SUMF1: variants seen among roughly 807,000 people sequenced by gnomAD.
SUMF1 encodes formylglycine-generating enzyme.
Under a neutral mutation model 47.6 loss-of-function variants are expected in SUMF1, and 48 were observed. The observed-to-expected ratio is 1.01, with a 90% CI of 0.80 to 1.28. The LOEUF is 1.28. SUMF1 is among the 50% of genes most tolerant of loss of function. The pLI, the probability that SUMF1 is intolerant of heterozygous loss-of-function variation, is 0.00. For missense variants in SUMF1, 571 were observed against 485.4 expected, an observed-to-expected ratio of 1.18 and a Z score of -1.66; for synonymous variants, 230 against 192.1, an observed-to-expected ratio of 1.20 and a Z score of -1.63.
intron 1 of SUMF1, among the ~76,000 whole-genome samples, chr3:4,464,128 T>C (rs1334417375): frequency 6.6e-6 from 1 of 152,228 alleles, no homozygotes; most frequent in Non-Finnish European, 1.5e-5. Context: ...TCCCAGATCT[T>C]AAATCACTTA....
chr3:4,132,482 T>C (rs986676114), intron 8 of SUMF1, among the ~76,000 whole-genome samples: 39 of 152,234 alleles, frequency 2.6e-4, no homozygotes, highest in African/African-American at 8.9e-4. Context: ...ATCCAATATA[T>C]GGTACTGTTT....
rs546190025 is a variant in SUMF1, at chr3:4,098,915, C to T, written c.1015-30170G>A. On this transcript the variant is annotated intron_variant and NMD_transcript_variant, in intron 8 of 12. Transcript: ENST00000448413. Reference sequence around the variant, plus strand: ...AATATGCCAATAAAATGTTAACATTCGAGACTCATTAAGCAGATTTGTAGC... The same window carrying T: ...AATATGCCAATAAAATGTTAACATTTGAGACTCATTAAGCAGATTTGTAGC... Among the ~76,000 whole-genome samples, 92 of 152,178 alleles carry T rather than the reference C, an allele frequency of 6.0e-4. 1 individual carries two copies. The highest frequency in any genetic ancestry group is 2.0e-3 in the African/African-American group (85 of 41,508).
chr3:4,384,044 G>T (rs56029983), intron 7 of SUMF1, among the ~76,000 whole-genome samples: 58,973 of 151,610 alleles, frequency 0.39, 12,941 homozygotes, highest in African/African-American at 0.59. Context: ...TAAAAGGAAT[G>T]AAGTGAAAAA....
At chr3:4,209,742 G>A (rs779882468) in intron 8 of SUMF1, among the ~76,000 whole-genome samples, 1 of 152,038 alleles carries the variant, frequency 6.6e-6, no homozygotes, top group Non-Finnish European at 1.5e-5. Flanking sequence ...TATAATTTTA[G>A]AAAGATAAGC....
In SUMF1 at chr3:4,263,274, G is replaced by T. The variant is rs187155000; in HGVS notation, c.1014+113056C>A. On this transcript the variant is annotated intron_variant and NMD_transcript_variant, in intron 8 of 12. Coordinates refer to the SUMF1 transcript ENST00000448413. ...CTGAAGATGACCTAATAAGACAAAT[G>T]GCATCATGAACTGCCTTCCAAATGA... 3.0e-4 allele frequency among the ~76,000 whole-genome samples: 46 copies of T among 152,142 alleles called. 1 individual carries two copies. Among genetic ancestry groups the T allele is most frequent in the African/African-American group, 1.0e-3 (42 of 41,522 alleles).
intron 8 of SUMF1, among the ~76,000 whole-genome samples, chr3:4,353,436 T>C (rs1333372924): frequency 6.6e-6 from 1 of 152,102 alleles, no homozygotes; most frequent in African/African-American, 2.4e-5. Context: ...GTATTTTTAG[T>C]AGAGACGGGG....
At chr3:4,438,240 A>T (rs796353021) in intron 3 of SUMF1, among the ~76,000 whole-genome samples, 1 of 88,350 alleles carries the variant, frequency 1.1e-5, no homozygotes, top group African/African-American at 4.1e-5. Flanking sequence ...AAAAAAAAAA[A>T]AAGATCTCAT....
intron 8 of SUMF1, among the ~76,000 whole-genome samples, chr3:4,270,296 C>T (rs1213977867): frequency 6.6e-6 from 1 of 152,062 alleles, no homozygotes; most frequent in Non-Finnish European, 1.5e-5. Flanking sequence ...TCCCAGGTCT[C>T]CATCTGCAAG....
intron 8 of SUMF1, among the ~76,000 whole-genome samples, chr3:4,125,271 A>T (rs1040219857): frequency 7.2e-5 from 11 of 152,132 alleles, no homozygotes; most frequent in Non-Finnish European, 1.5e-4. Context: ...TGCTCAAATA[A>T]CTACATGTTA....
At chr3:4,251,213 A>G (rs1696794801) in intron 8 of SUMF1, among the ~76,000 whole-genome samples, 1 of 152,200 alleles carries the variant, frequency 6.6e-6, no homozygotes, top group African/African-American at 2.4e-5. Context: ...GTGAAGTCCA[A>G]GACTTCAGTG....
chr3:4,249,849 A>G (rs950361437), intron 8 of SUMF1, among the ~76,000 whole-genome samples: 1 of 152,188 alleles, frequency 6.6e-6, no homozygotes, highest in African/African-American at 2.4e-5. Flanking sequence ...GGAAATTAAA[A>G]GTGCTCCTCC....
intron 8 of SUMF1, among the ~76,000 whole-genome samples, chr3:4,346,403 T>C (rs538921921): frequency 3.4e-4 from 51 of 151,994 alleles, no homozygotes; most frequent in Admixed American, 2.0e-3. Flanking sequence ...TTCATGGAAA[T>C]TGAACAACCT....
At chr3:4,072,014 G>A (rs1199265960) in intron 8 of SUMF1, among the ~76,000 whole-genome samples, 2 of 152,176 alleles carry the variant, frequency 1.3e-5, no homozygotes, top group Non-Finnish European at 2.9e-5. Flanking sequence ...CCTCCCAGTA[G>A]GGGCCGACAG....
chr3:4,348,672 C>T (rs2125151212), intron 8 of SUMF1, among the ~76,000 whole-genome samples: 1 of 151,414 alleles, frequency 6.6e-6, no homozygotes, highest in East Asian at 1.9e-4. Flanking sequence ...TGAGGCCAGC[C>T]TGACCAACAT....
intron 1 of SUMF1, among the ~76,000 whole-genome samples, chr3:4,457,368 T>C (rs1241640806): frequency 3.3e-5 from 5 of 152,066 alleles, no homozygotes; most frequent in African/African-American, 4.8e-5. Context: ...AAAATTCTAA[T>C]GTCATTTTTC....
chr3:4,417,866 TA>T, intron 5 of SUMF1, 143 bp downstream of exon 5: 1 of 1,459,318 alleles, frequency 6.9e-7, no homozygotes, highest in Non-Finnish European at 9.5e-7. Context: ...CAGTGTCTTC[TA>T]AGTAATTTCG....
At chr3:4,406,431 G>A (rs1355232643) in intron 7 of SUMF1, among the ~76,000 whole-genome samples, 1 of 152,120 alleles carries the variant, frequency 6.6e-6, no homozygotes, top group Admixed American at 6.5e-5. Flanking sequence ...GGAGGCAGGT[G>A]GATCACCAGA....
intron 8 of SUMF1, among the ~76,000 whole-genome samples, chr3:4,199,459 T>C (rs1450899354): frequency 6.6e-6 from 1 of 152,126 alleles, no homozygotes; most frequent in Non-Finnish European, 1.5e-5. Flanking sequence ...TGTGTGCACA[T>C]ATGATTTCAT....
At chr3:4,129,302 T>A (rs1237076120) in intron 8 of SUMF1, among the ~76,000 whole-genome samples, 1 of 152,102 alleles carries the variant, frequency 6.6e-6, no homozygotes, top group Non-Finnish European at 1.5e-5. Context: ...GTACCTACTG[T>A]AATGGACAGC....
Sources: allele counts gnomAD v4.1 joint callset (sites outside exome capture counted in the v4.1 genomes callset), GRCh38; gene constraint gnomAD v4.1.1; transcripts MANE v1.5; gene names NCBI Gene and HGNC (gene_info 2026-07-23, HGNC 2026-07-21).